Variants in RAPGEF5 observed in about 807,000 individuals in gnomAD.
The protein encoded by RAPGEF5 is Rap guanine nucleotide exchange factor 5, also known as M-Ras-regulated GEF.
A neutral mutation model predicts 125.2 loss-of-function variants in RAPGEF5; 65 were observed. The observed-to-expected ratio is 0.52, with a 90% CI of 0.43 to 0.64. The LOEUF (loss-of-function observed/expected upper bound fraction) is 0.64. Among genes scored for constraint, RAPGEF5 ranks in the 30% least tolerant of loss-of-function variants. The pLI, the probability that RAPGEF5 is intolerant of heterozygous loss-of-function variation, is 0.00. For synonymous variants in RAPGEF5, 391 were observed against 385.9 expected (o/e 1.01, Z -0.16); for missense variants, 958 against 1,048.1 (o/e 0.91, Z 1.19).
At chr7:22,354,219 C>T (rs548426292) in intron 1 of RAPGEF5, among the ~76,000 whole-genome samples, 1 of 152,336 alleles carries the variant, frequency 6.6e-6, no homozygotes, top group South Asian at 2.1e-4. Context: ...ATAAGGACCA[C>T]ACATATTCCT....
chr7:22,349,155 G>A (rs1322257297), intron 1 of RAPGEF5, among the ~76,000 whole-genome samples: 3 of 151,038 alleles, frequency 2.0e-5, no homozygotes, highest in African/African-American at 4.9e-5. Context: ...CAAGAACAGT[G>A]GCTCACACCT....
intron 8 of RAPGEF5, among the ~76,000 whole-genome samples, chr7:22,229,372 C>T (rs987897002): frequency 5.3e-5 from 8 of 152,130 alleles, no homozygotes; most frequent in East Asian, 1.9e-4. Context: ...ACATTCCCCA[C>T]GGTAACATAT....
intron 6 of RAPGEF5, among the ~76,000 whole-genome samples, chr7:22,287,562 A>T (rs1782825793): frequency 6.6e-6 from 1 of 152,214 alleles, no homozygotes; most frequent in Admixed American, 6.5e-5. Context: ...CCACTGTCCC[A>T]TTCCAATACC....
intron 4 of RAPGEF5, 52 bp downstream of exon 4, chr7:22,309,917 T>TGA: frequency 6.6e-7 from 1 of 1,503,906 alleles, no homozygotes. Context: ...TGTATTTTCA[T>TGA]CTGATAGCTT....
intron 25 of RAPGEF5, among the ~76,000 whole-genome samples, chr7:22,122,812 C>A (rs1192115816): frequency 1.3e-5 from 2 of 152,168 alleles, no homozygotes; most frequent in Non-Finnish European, 2.9e-5. Flanking sequence ...AAACTGAGCA[C>A]AGTCACGCAG....
intron 11 of RAPGEF5, among the ~76,000 whole-genome samples, chr7:22,188,760 G>A (rs1469592028): frequency 7.7e-6 from 1 of 129,874 alleles, no homozygotes; most frequent in Non-Finnish European, 1.6e-5. Context: ...GTGAGACTCC[G>A]TCTCAAAAAA....
intron 6 of RAPGEF5, among the ~76,000 whole-genome samples, chr7:22,276,276 G>T (rs1234087679): frequency 6.6e-6 from 1 of 152,094 alleles, no homozygotes; most frequent in Non-Finnish European, 1.5e-5. Flanking sequence ...ATGATTCTCA[G>T]GTGGATTTTC....
At position 22,255,450 on chromosome 7, in the gene RAPGEF5, G is replaced by T. The variant is rs529555999; in HGVS notation, c.796+11514C>A. ...CCAAAAAAAAAATTAAAAATTATCTGGGCATGGTGGCACATGACTGTAGTC... is the reference window on the plus strand; with the variant it reads ...CCAAAAAAAAAATTAAAAATTATCTTGGCATGGTGGCACATGACTGTAGTC... On this transcript the variant is annotated intron_variant, in intron 7 of 25. Coordinates refer to ENST00000665637, the MANE Select transcript of RAPGEF5 (RefSeq NM_012294.5). Among the ~76,000 whole-genome samples, 14 of 152,012 alleles carry T rather than the reference G, an allele frequency of 9.2e-5. No individual in the cohort carries two copies. The East Asian group carries it at 2.7e-3, about 30-fold the overall frequency.
intron 16 of RAPGEF5, among the ~76,000 whole-genome samples, chr7:22,155,425 G>T (rs969099695): frequency 6.6e-6 from 1 of 152,168 alleles, no homozygotes; most frequent in Non-Finnish European, 1.5e-5. Context: ...AAATGCACTA[G>T]CTTCTTTCAA....
intron 9 of RAPGEF5, among the ~76,000 whole-genome samples, chr7:22,203,876 GAAATGAGGATGCAGA>G (rs2128128841): frequency 6.6e-6 from 1 of 152,278 alleles, no homozygotes; most frequent in African/African-American, 2.4e-5. Flanking sequence ...CACGTCGGAA[GAAATGAGGATGCAGA>G]AATCTAAATT....
Position 22,186,573 on chromosome 7 carries a change from A to T in RAPGEF5, c.1204+6794T>A, listed in dbSNP as rs147805079. 6.1e-3 allele frequency among the ~76,000 whole-genome samples: 934 copies of T among 152,238 alleles called. 5 individuals carry two copies. Among genetic ancestry groups the T allele is most frequent in the Non-Finnish European group, 9.9e-3 (674 of 68,012 alleles). On this transcript the variant is annotated intron_variant, in intron 11 of 25. Transcript: ENST00000665637. ...CTCCAATAGAATATAAGCCTTCAGGAGGGTAAGGAGTTTTGTGTCTATTTT... is the reference window on the plus strand; with the variant it reads ...CTCCAATAGAATATAAGCCTTCAGGTGGGTAAGGAGTTTTGTGTCTATTTT...
chr7:22,293,432 T>G (rs1406521827), intron 5 of RAPGEF5, among the ~76,000 whole-genome samples: 1 of 151,970 alleles, frequency 6.6e-6, no homozygotes, highest in Non-Finnish European at 1.5e-5. Context: ...TCCTCTCACT[T>G]CCCTTCCTTC....
At chr7:22,160,717 T>C in intron 13 of RAPGEF5, 102 bp from the exon 14 acceptor site, 1 of 1,342,696 alleles carries the variant, frequency 7.4e-7, no homozygotes, top group Non-Finnish European at 9.6e-7. Flanking sequence ...AAGGAGGGAT[T>C]CAGGACAATG....
At position 22,312,295 on chromosome 7, in the gene RAPGEF5, G is replaced by T. The variant is rs1783489816; in HGVS notation, c.390-2205C>A. 2.0e-5 allele frequency among the ~76,000 whole-genome samples: 3 copies of T among 151,562 alleles called. No individual in the cohort carries two copies. In the South Asian group the frequency reaches 6.3e-4, roughly 32 times the overall value. ...GCGATCTCGGCTCACTGCAAACTCT[G>T]CCTCCCGGGTTCAAGCGATTCTCCT... On this transcript the variant is annotated intron_variant, in intron 3 of 25. Coordinates refer to ENST00000665637, the MANE Select transcript of RAPGEF5 (RefSeq NM_012294.5).
At chr7:22,202,906 C>A (rs774838272) in intron 9 of RAPGEF5, 4 of 375,284 alleles carry the variant, frequency 1.1e-5, no homozygotes, top group South Asian at 6.0e-5. Flanking sequence ...ACAGAGAAAG[C>A]CCTCAGTAAA....
chr7:22,319,467 A>T (rs767127635), intron 1 of RAPGEF5, among the ~76,000 whole-genome samples: 9 of 152,222 alleles, frequency 5.9e-5, no homozygotes, highest in Non-Finnish European at 1.2e-4. Context: ...CAGAAATGCC[A>T]ATTGATACCC....
intron 6 of RAPGEF5, among the ~76,000 whole-genome samples, chr7:22,280,625 A>ATT (rs1488269124): frequency 6.6e-6 from 1 of 151,976 alleles, no homozygotes; most frequent in African/African-American, 2.4e-5. Context: ...AAAAGGGTAA[A>ATT]TTTTTTCCTG....
At chr7:22,219,551 A>G (rs1205060526) in intron 9 of RAPGEF5, among the ~76,000 whole-genome samples, 1 of 151,756 alleles carries the variant, frequency 6.6e-6, no homozygotes, top group Non-Finnish European at 1.5e-5. Context: ...TGATAAGGCA[A>G]AACTTCCAAA....
intron 1 of RAPGEF5, among the ~76,000 whole-genome samples, chr7:22,345,200 T>C (rs1309700571): frequency 6.6e-6 from 1 of 152,238 alleles, no homozygotes; most frequent in Non-Finnish European, 1.5e-5. Context: ...GACCCTGGAC[T>C]GAGAAGCCCA....
Sources: gnomAD v4.1 joint callset for allele counts (sites outside exome capture counted in the v4.1 genomes callset) on GRCh38, gnomAD v4.1.1 for gene constraint, MANE v1.5 for transcripts, NCBI Gene and HGNC (gene_info 2026-07-23, HGNC 2026-07-21) for gene names.